Variants in ADAMTS18 observed in about 807,000 individuals in gnomAD.
ADAMTS18 encodes the protein ADAM metallopeptidase with thrombospondin type 1 motif 18.
ADAMTS18 carries 157 observed loss-of-function variants against 165.9 expected under a neutral mutation model. The observed-to-expected ratio is 0.95, with a 90% CI of 0.83 to 1.08. The LOEUF is 1.08. Ranked by LOEUF, ADAMTS18 falls within the 50% of genes least tolerant of loss-of-function variation. The probability of loss-of-function intolerance (pLI) is 0.00; values close to 1 mark genes in which losing one functional copy is unlikely to be tolerated. For missense variants in ADAMTS18, 2,040 were observed against 1,534.0 expected (o/e 1.33, Z -5.51); for synonymous variants, 782 against 578.2 (o/e 1.35, Z -5.06).
intron 16 of ADAMTS18, among the ~76,000 whole-genome samples, chr16:77,302,329 A>G (rs2055599895): frequency 1.3e-5 from 2 of 152,082 alleles, no homozygotes; most frequent in South Asian, 2.1e-4. Flanking sequence ...CAAATGTAGC[A>G]CTTATTTTGC....
Position 77,341,782 on chromosome 16 carries a change from A to G in ADAMTS18, c.1632T>C (p.Leu544=), listed in dbSNP as rs74251611. The change falls in exon 11 of 23, where the codon CTT becomes CTC. Residue 544 remains leucine (L), a synonymous_variant. Coordinates refer to ENST00000282849, the MANE Select transcript of ADAMTS18 (RefSeq NM_199355.4). ...LGFVKDICKS[L]WCHRVGHRCE... is the part of the protein sequence containing the mutation. ...ACCTGTGGCCTACTCGGTGGCACCA[A>G]AGTGATTTGCAAATATCCTGAAATA... 1 of 1,612,844 alleles carries G rather than the reference A, an allele frequency of 6.2e-7. No homozygotes were observed. Among genetic ancestry groups the G allele is most frequent in the East Asian group, 2.2e-5 (1 of 44,834 alleles).
At position 77,285,418 on chromosome 16, in the gene ADAMTS18, C is replaced by G. The variant is rs1274235418; in HGVS notation, c.3551-1347G>C. 9.9e-5 allele frequency among the ~76,000 whole-genome samples: 15 copies of G among 152,134 alleles called. No individual in the cohort carries two copies. In the South Asian group the frequency reaches 3.1e-3, roughly 32 times the overall value. On this transcript the variant is annotated intron_variant, in intron 22 of 22. Coordinates refer to ENST00000282849, the MANE Select transcript of ADAMTS18 (RefSeq NM_199355.4). ...GAACTCCTGACCTCGGGTGATCCGT[C>G]TGCCTCAGCCTCCCAAAGTGCTGGA...
intron 11 of ADAMTS18, among the ~76,000 whole-genome samples, chr16:77,340,852 G>A (rs1053491297): frequency 5.9e-5 from 9 of 152,168 alleles, no homozygotes; most frequent in African/African-American, 2.2e-4. Context: ...ACAGGTATGA[G>A]CTATCACACC....
chr16:77,356,193 TA>T, intron 8 of ADAMTS18, 116 bp from the exon 9 acceptor site: 1 of 1,385,304 alleles, frequency 7.2e-7, no homozygotes, highest in Non-Finnish European at 1.0e-6. Context: ...GAGACAGAGT[TA>T]TTAAAACTGG....
chr16:77,412,944 G>T (rs907087996), intron 3 of ADAMTS18, among the ~76,000 whole-genome samples: 2 of 152,020 alleles, frequency 1.3e-5, no homozygotes, highest in Non-Finnish European at 2.9e-5. Flanking sequence ...CAATGCTCCC[G>T]CCTCCGTCTT....
In ADAMTS18 at chr16:77,283,117, G is replaced by A. The variant is rs1472348212; in HGVS notation, c.*839C>T. ...AGATATTTTTTAAATACCAGAAATG[G>A]GTATGTAGCATTCCCAAAGAGCGGG... is the stretch of plus-strand genomic sequence containing the variant. On this transcript the variant is annotated 3_prime_UTR_variant, in exon 23 of 23. Transcript: ENST00000282849. The A allele has an allele frequency of 2.0e-5, 3 of 152,290 alleles. No homozygotes were observed. The highest frequency in any genetic ancestry group is 1.9e-4 in the East Asian group (1 of 5,158). The allele number at this position is 152,290 out of a possible 1,614,324, so 9.4% of individuals were successfully genotyped here.
intron 16 of ADAMTS18, among the ~76,000 whole-genome samples, chr16:77,313,486 TA>T (rs35955033): frequency 0.51 from 74,217 of 146,142 alleles, 19,183 homozygotes; most frequent in African/African-American, 0.54. Flanking sequence ...ACTCAAGGTT[TA>T]AAAAAAAAAA....
intron 3 of ADAMTS18, among the ~76,000 whole-genome samples, chr16:77,412,780 C>G (rs1451359697): frequency 6.6e-6 from 1 of 152,092 alleles, no homozygotes; most frequent in Non-Finnish European, 1.5e-5. Flanking sequence ...GAAAATGCCC[C>G]CATGATTCAA....
chr16:77,293,434 C>G (rs1184768144), intron 19 of ADAMTS18, among the ~76,000 whole-genome samples, 176 bp from the exon 20 acceptor site: 1 of 151,908 alleles, frequency 6.6e-6, no homozygotes, highest in Non-Finnish European at 1.5e-5. Flanking sequence ...CCATACATAT[C>G]TGGCTAAAAC....
At chr16:77,406,542 C>T (rs2057395429) in intron 3 of ADAMTS18, among the ~76,000 whole-genome samples, 1 of 152,032 alleles carries the variant, frequency 6.6e-6, no homozygotes, top group African/African-American at 2.4e-5. Flanking sequence ...AAGGGGAGGA[C>T]TGTCATTATT....
chr16:77,294,124 T>C (rs1441247898), intron 19 of ADAMTS18, among the ~76,000 whole-genome samples: 1 of 152,154 alleles, frequency 6.6e-6, no homozygotes, highest in Non-Finnish European at 1.5e-5. Context: ...GTTCAGGTGG[T>C]AAAACTCTTG....
chr16:77,334,802 C>CAGTA (rs2056275990), intron 12 of ADAMTS18, among the ~76,000 whole-genome samples: 1 of 110,700 alleles, frequency 9.0e-6, no homozygotes, highest in Non-Finnish European at 1.7e-5. Context: ...ATACTATATA[C>CAGTA]TATAGTATAC....
At chr16:77,386,288 T>A (rs1006712037) in intron 3 of ADAMTS18, among the ~76,000 whole-genome samples, 2 of 152,148 alleles carry the variant, frequency 1.3e-5, no homozygotes, top group African/African-American at 4.8e-5. Context: ...AAGATGCAAA[T>A]ACCTATACCC....
chr16:77,391,109 G>C (rs1426220497), intron 3 of ADAMTS18, among the ~76,000 whole-genome samples: 1 of 152,152 alleles, frequency 6.6e-6, no homozygotes, highest in Non-Finnish European at 1.5e-5. Context: ...AATCAGGAGT[G>C]TCTATCTACA....
Position 77,339,813 on chromosome 16 carries a change from C to A in ADAMTS18, c.1710+1891G>T, listed in dbSNP as rs996404771. The stretch of plus-strand genomic sequence containing the variant: ...ATCGGATTAAAAATTGCACATAACT[C>A]CTCAATTTTTAAAATGTTCATTTTC... On this transcript the variant is annotated intron_variant, in intron 11 of 22. Coordinates refer to ENST00000282849, the MANE Select transcript of ADAMTS18 (RefSeq NM_199355.4). Among the ~76,000 whole-genome samples, 4 of 151,152 alleles carry A rather than the reference C, an allele frequency of 2.6e-5. No individual in the cohort carries two copies. The East Asian group carries it at 7.7e-4, about 29-fold the overall frequency.
At chr16:77,320,818 G>A (rs2055983389) in intron 15 of ADAMTS18, among the ~76,000 whole-genome samples, 1 of 152,186 alleles carries the variant, frequency 6.6e-6, no homozygotes, top group Non-Finnish European at 1.5e-5. Flanking sequence ...CTTAACAAAT[G>A]CACTTGGACA....
Position 77,434,414 on chromosome 16 carries a change from G to A in ADAMTS18, c.178+4C>T, listed in dbSNP as rs746312160. 7.7e-6 allele frequency: 12 copies of A among 1,567,910 alleles called. No homozygotes were observed. In the East Asian group the frequency reaches 9.2e-5, roughly 12 times the overall value. On this transcript the variant is annotated splice_donor_region_variant and intron_variant, in intron 2 of 22. Transcript: ENST00000282849. ...CTTCTTGGGGATGGGGGGCAAATACGAACCATCATTTAATCCGCTGGCGCC... is the reference window on the plus strand; with the variant it reads ...CTTCTTGGGGATGGGGGGCAAATACAAACCATCATTTAATCCGCTGGCGCC...
At chr16:77,375,345 G>A (rs890983379) in intron 3 of ADAMTS18, among the ~76,000 whole-genome samples, 1 of 151,930 alleles carries the variant, frequency 6.6e-6, no homozygotes, top group Non-Finnish European at 1.5e-5. Flanking sequence ...TCGCACCACC[G>A]CACTCCGGCC....
Position 77,331,681 on chromosome 16 carries a change from G to A in ADAMTS18, c.1859+4075C>T, listed in dbSNP as rs889650875. Among the ~76,000 whole-genome samples the A allele has an allele frequency of 3.3e-5, 5 of 152,092 alleles. 1 individual carries two copies. The South Asian group carries it at 1.0e-3, about 31-fold the overall frequency. ...ACAGTTTGGTGGGTGGTGGGAAGAA[G>A]AGTGCATCCTACTGGTACTAGTAGG... On this transcript the variant is annotated intron_variant, in intron 12 of 22. Coordinates refer to ENST00000282849, the MANE Select transcript of ADAMTS18 (RefSeq NM_199355.4).
Sources: allele counts gnomAD v4.1 joint callset (sites outside exome capture counted in the v4.1 genomes callset), GRCh38; gene constraint gnomAD v4.1.1; transcripts MANE v1.5; gene names NCBI Gene and HGNC (gene_info 2026-07-23, HGNC 2026-07-21).